The following ZNF385D variants were observed in gnomAD, a reference collection of about 807,000 sequenced individuals.
The protein encoded by ZNF385D is zinc finger protein 385D.
Under a neutral mutation model 35.8 loss-of-function variants are expected in ZNF385D, and 15 were observed. The ratio of observed to expected loss-of-function variants is 0.42; its 90% CI spans 0.28 to 0.64. The LOEUF (loss-of-function observed/expected upper bound fraction) is 0.64. ZNF385D is among the 30% of genes least tolerant of loss of function. The probability of loss-of-function intolerance (pLI) is 0.23; values close to 1 mark genes in which losing one functional copy is unlikely to be tolerated. For missense variants in ZNF385D, 474 were observed against 494.6 expected (o/e 0.96, Z 0.39); for synonymous variants, 212 against 186.8 (o/e 1.13, Z -1.10).
intron 3 of ZNF385D, among the ~76,000 whole-genome samples, chr3:22,005,761 G>C (rs1345326995): frequency 6.6e-6 from 1 of 151,960 alleles, no homozygotes; most frequent in East Asian, 1.9e-4. Flanking sequence ...ACAACCTTTA[G>C]AACCCTAAGT....
chr3:22,015,164 A>T (rs1179086843), intron 3 of ZNF385D, among the ~76,000 whole-genome samples: 1 of 152,116 alleles, frequency 6.6e-6, no homozygotes, highest in Non-Finnish European at 1.5e-5. Context: ...CCAATTACAG[A>T]ATTCAGTTTA....
intron 3 of ZNF385D, among the ~76,000 whole-genome samples, chr3:21,885,928 G>T (rs538698840): frequency 6.8e-4 from 104 of 152,110 alleles, no homozygotes; most frequent in African/African-American, 2.5e-3. Flanking sequence ...AAGGTCTTCA[G>T]TTAATTGGAT....
At chr3:21,682,655 A>G (rs534606455) in intron 1 of ZNF385D, among the ~76,000 whole-genome samples, 3 of 150,222 alleles carry the variant, frequency 2.0e-5, no homozygotes, top group Admixed American at 1.3e-4. Context: ...AAGCTGTACA[A>G]AATTAGAGCA....
rs530674266 is a variant in ZNF385D, at chr3:21,888,840, G to A, written c.326-223812C>T. On this transcript the variant is annotated intron_variant, in intron 3 of 5. Coordinates refer to the ZNF385D transcript ENST00000494108. ...TCTAAGTTGAGGTTGCCAAGGTGAC[G>A]GCAGAGGGCCAAGTCTGTGGCTCCT... is the stretch of plus-strand genomic sequence containing the variant. Among the ~76,000 whole-genome samples the A allele has an allele frequency of 3.3e-5, 5 of 152,322 alleles. No homozygotes were observed. In the East Asian group the frequency reaches 5.8e-4, roughly 18 times the overall value.
chr3:21,924,258 A>T (rs1463202093), intron 3 of ZNF385D, among the ~76,000 whole-genome samples: 4 of 152,228 alleles, frequency 2.6e-5, no homozygotes, highest in Admixed American at 1.3e-4. Flanking sequence ...CTTAAAGGTG[A>T]AGAGAAGAAG....
At chr3:22,082,055 G>C (rs542129238) in intron 3 of ZNF385D, among the ~76,000 whole-genome samples, 2 of 146,768 alleles carry the variant, frequency 1.4e-5, no homozygotes, top group African/African-American at 5.1e-5. Flanking sequence ...AAATGACTTC[G>C]AACTGCAGTG....
At chr3:22,316,143 A>C (rs62247271) in intron 2 of ZNF385D, among the ~76,000 whole-genome samples, 37,186 of 152,038 alleles carry the variant, frequency 0.24, 4,697 homozygotes, top group African/African-American at 0.26. Flanking sequence ...GAAGTGGACT[A>C]AGTGCAGGAG....
At chr3:22,040,204 A>G (rs1310317057) in intron 3 of ZNF385D, among the ~76,000 whole-genome samples, 1 of 152,148 alleles carries the variant, frequency 6.6e-6, no homozygotes, top group Non-Finnish European at 1.5e-5. Flanking sequence ...ATCTTTGTAA[A>G]TGCTTCCTTT....
intron 3 of ZNF385D, among the ~76,000 whole-genome samples, chr3:21,954,583 T>C (rs1056733738): frequency 2.0e-5 from 3 of 152,088 alleles, no homozygotes; most frequent in Non-Finnish European, 4.4e-5. Context: ...GTTAATTAGT[T>C]AGGTGTAAAC....
rs28537838 is a variant in ZNF385D at position 21,665,011 on chromosome 3, G to A, written c.40C>T (p.Pro14Ser). ...IMYFGGTCQS[P>S]ALPALVRPPA... ...GGACGGACAAGGGCCGGGAGAGCAG[G>A]ACTCTGGCATGTACCACCTGTGAAG... Residue 14 changes from proline (P) to serine (S), a missense_variant, in exon 2 of 8, where the codon CCT becomes TCT. Coordinates refer to ENST00000281523, the MANE Select transcript of ZNF385D (RefSeq NM_024697.3). The A allele has an allele frequency of 3.4e-4, 546 of 1,611,816 alleles. 3 individuals are homozygous for A. In the African/African-American group the frequency reaches 6.4e-3, roughly 19 times the overall value.
intron 2 of ZNF385D, among the ~76,000 whole-genome samples, chr3:22,345,513 G>A (rs1361047528): frequency 1.3e-5 from 2 of 152,098 alleles, no homozygotes; most frequent in Non-Finnish European, 2.9e-5. Flanking sequence ...ACCATTTTAG[G>A]CAATGGAGAT....
intron 2 of ZNF385D, among the ~76,000 whole-genome samples, chr3:21,610,165 C>T (rs2064625795): frequency 1.3e-5 from 2 of 150,602 alleles, no homozygotes; most frequent in Non-Finnish European, 2.9e-5. Context: ...TGTGTTTATG[C>T]ATATATATGC....
chr3:21,726,038 T>C (rs1362829590), intron 1 of ZNF385D, among the ~76,000 whole-genome samples: 3 of 151,964 alleles, frequency 2.0e-5, no homozygotes, highest in African/African-American at 7.2e-5. Flanking sequence ...CAAATCAATA[T>C]ACATAATCCA....
chr3:21,413,460 C>T lies in ZNF385D; in HGVS notation c.*7754G>A, dbSNP rs1700520158. 1 of 152,038 alleles carries T rather than the reference C, an allele frequency of 6.6e-6. No individual in the cohort carries two copies. The highest frequency in any genetic ancestry group is 1.5e-5 in the Non-Finnish European group (1 of 67,950). The allele number at this position is 152,038 out of a possible 1,614,324, so 9.4% of individuals were successfully genotyped here. ...GATTATAGTTAAGTCAATGCTTTGC[C>T]ACCCCCCAGCTTTGTTAGTTTTTGT... is the stretch of plus-strand genomic sequence containing the variant. On this transcript the variant is annotated 3_prime_UTR_variant, in exon 8 of 8. Transcript: ENST00000281523.
At chr3:21,579,876 C>T (rs994647489) in intron 2 of ZNF385D, 1 of 152,008 alleles carries the variant, frequency 6.6e-6, no homozygotes, top group Non-Finnish European at 1.5e-5. Flanking sequence ...CCAAATTTCT[C>T]CTTTTATAAG....
intron 3 of ZNF385D, among the ~76,000 whole-genome samples, chr3:21,521,922 T>C (rs886279224): frequency 2.6e-5 from 4 of 152,144 alleles, no homozygotes; most frequent in African/African-American, 9.7e-5. Flanking sequence ...TTAGAATAAT[T>C]GGCAAGAGCT....
chr3:21,464,015 A>C (rs1703349388), intron 4 of ZNF385D, among the ~76,000 whole-genome samples: 1 of 152,208 alleles, frequency 6.6e-6, no homozygotes, highest in Non-Finnish European at 1.5e-5. Context: ...AAGTTCACTC[A>C]GCTGAGGTAA....
Position 21,873,983 on chromosome 3 carries a change from A to ATT in ZNF385D, c.326-208957_326-208956dup, listed in dbSNP as rs3042168. ...AGTATCTCTTCAAGATCCTGATTTC[A>ATT]TTTTTTTTTTTGTATAAATACCCAG... On this transcript the variant is annotated intron_variant, in intron 3 of 5. Transcript: ENST00000494108. Among the ~76,000 whole-genome samples the ATT allele has an allele frequency of 5.8e-3, 864 of 150,134 alleles. 12 individuals are homozygous for ATT. Among genetic ancestry groups the ATT allele is most frequent in the South Asian group, 0.048 (230 of 4,756 alleles).
At chr3:22,133,451 A>T (rs575032500) in intron 3 of ZNF385D, 2 of 149,858 alleles carry the variant, frequency 1.3e-5, no homozygotes. Flanking sequence ...GTTATATAAC[A>T]GACATATCAA....
Sources: allele counts gnomAD v4.1 joint callset (sites outside exome capture counted in the v4.1 genomes callset), GRCh38; gene constraint gnomAD v4.1.1; transcripts MANE v1.5; gene names NCBI Gene and HGNC (gene_info 2026-07-23, HGNC 2026-07-21).